Variants in IL1RAPL2 observed in about 807,000 individuals in gnomAD.
IL1RAPL2 encodes the protein interleukin 1 receptor accessory protein like 2, also known as X-linked interleukin-1 receptor accessory protein-like 2.
A neutral mutation model predicts 44.1 loss-of-function variants in IL1RAPL2; 3 were observed. The ratio of observed to expected loss-of-function variants is 0.07; its 90% CI spans 0.03 to 0.18. The LOEUF (loss-of-function observed/expected upper bound fraction) is 0.18. Among genes scored for constraint, IL1RAPL2 ranks in the 10% least tolerant of loss-of-function variants. The pLI is 1.00. For synonymous variants in IL1RAPL2, 181 were observed against 178.8 expected, an observed-to-expected ratio of 1.01 and a Z score of -0.10; for missense variants, 391 against 496.4, an observed-to-expected ratio of 0.79 and a Z score of 2.02.
intron 2 of IL1RAPL2, among the ~76,000 whole-genome samples, chrX:105,102,911 T>C (rs746325319): frequency 9.0e-6 from 1 of 110,843 alleles, no homozygotes; most frequent in Non-Finnish European, 1.9e-5. Flanking sequence ...AGAAAGATAG[T>C]AGTAAAAGAT....
chrX:105,385,560 A>G (rs1020848034), intron 5 of IL1RAPL2, among the ~76,000 whole-genome samples: 2 of 111,318 alleles, frequency 1.8e-5, no homozygotes, highest in Non-Finnish European at 3.8e-5. Context: ...TGTATAAACT[A>G]TAGTAGTAAC....
At chrX:105,039,062 G>A (rs994402541) in intron 2 of IL1RAPL2, among the ~76,000 whole-genome samples, 1 of 111,484 alleles carries the variant, frequency 9.0e-6, no homozygotes, top group Non-Finnish European at 1.9e-5. Flanking sequence ...CTTGTTTAAG[G>A]GCTGTGAGGT....
chrX:105,057,472 T>C lies in IL1RAPL2; in HGVS notation c.83-138003T>C, dbSNP rs932550678. Among the ~76,000 whole-genome samples, 3 of 112,151 alleles carry C rather than the reference T, an allele frequency of 2.7e-5. No homozygotes were observed. The East Asian group carries it at 8.4e-4, about 31-fold the overall frequency. Reference sequence around the variant, plus strand: ...GCTATATGATACCCAGATTATACAGTTTCCCAGCTGATCCAGTAAATGATC... The same window carrying C: ...GCTATATGATACCCAGATTATACAGCTTCCCAGCTGATCCAGTAAATGATC... On this transcript the variant is annotated intron_variant, in intron 2 of 10. Coordinates refer to ENST00000372582, the MANE Select transcript of IL1RAPL2 (RefSeq NM_017416.2).
intron 2 of IL1RAPL2, among the ~76,000 whole-genome samples, chrX:105,005,226 A>AT (rs1169327126): frequency 9.0e-6 from 1 of 111,526 alleles, no homozygotes; most frequent in Non-Finnish European, 1.9e-5. Flanking sequence ...AAGAACAAAG[A>AT]TTTTACCTTC....
At chrX:104,655,667 C>A (rs1015049964) in intron 1 of IL1RAPL2, among the ~76,000 whole-genome samples, 3 of 111,544 alleles carry the variant, frequency 2.7e-5, no homozygotes, top group Non-Finnish European at 5.7e-5. Context: ...GCTTTGGTAT[C>A]AGGATGATGC....
intron 3 of IL1RAPL2, among the ~76,000 whole-genome samples, chrX:105,233,099 G>C (rs1324310721): frequency 1.8e-5 from 2 of 111,583 alleles, no homozygotes; most frequent in African/African-American, 6.5e-5. Context: ...CTGGCTAACA[G>C]GGTGAAACCC....
intron 9 of IL1RAPL2, among the ~76,000 whole-genome samples, 195 bp from the exon 10 acceptor site, chrX:105,754,982 G>A (rs1270305302): frequency 8.9e-6 from 1 of 111,902 alleles, no homozygotes; most frequent in African/African-American, 3.2e-5. Context: ...GACTATAGGT[G>A]GCCCATTGCA....
intron 2 of IL1RAPL2, among the ~76,000 whole-genome samples, chrX:105,074,810 G>C (rs374899063): frequency 9.2e-6 from 1 of 109,028 alleles, no homozygotes; most frequent in Non-Finnish European, 1.9e-5. Context: ...GCAATTGTGA[G>C]TGGGAGTTCA....
At chrX:104,646,399 G>C (rs1054364712) in intron 1 of IL1RAPL2, among the ~76,000 whole-genome samples, 1 of 109,090 alleles carries the variant, frequency 9.2e-6, no homozygotes, top group Non-Finnish European at 1.9e-5. Flanking sequence ...ATTGAATCTA[G>C]ATCATGGTAC....
At chrX:105,418,045 G>T in intron 5 of IL1RAPL2, among the ~76,000 whole-genome samples, 1 of 111,231 alleles carries the variant, frequency 9.0e-6, no homozygotes, top group Middle Eastern at 4.7e-3. Flanking sequence ...CCCACTTACA[G>T]CATTTTTCAT....
At chrX:105,736,619 A>T (rs1209328876) in intron 7 of IL1RAPL2, among the ~76,000 whole-genome samples, 1 of 111,848 alleles carries the variant, frequency 8.9e-6, no homozygotes, top group Non-Finnish European at 1.9e-5. Flanking sequence ...ATATGTAAAA[A>T]TGCTCAACAT....
At chrX:104,631,578 T>A (rs1929650849) in intron 1 of IL1RAPL2, among the ~76,000 whole-genome samples, 1 of 112,219 alleles carries the variant, frequency 8.9e-6, no homozygotes, top group Non-Finnish European at 1.9e-5. Context: ...TTTACATTTC[T>A]CTGATGGCCA....
intron 2 of IL1RAPL2, among the ~76,000 whole-genome samples, chrX:105,084,352 G>T (rs1013565887): frequency 8.9e-6 from 1 of 112,850 alleles, no homozygotes; most frequent in Non-Finnish European, 1.9e-5. Flanking sequence ...GGGACCGGGG[G>T]TGCCCCACCT....
intron 2 of IL1RAPL2, among the ~76,000 whole-genome samples, chrX:105,088,732 T>G (rs1287531171): frequency 9.0e-6 from 1 of 111,588 alleles, no homozygotes; most frequent in Non-Finnish European, 1.9e-5. Context: ...CACTTATTGG[T>G]GCCAGTTAAT....
chrX:105,726,637 T>A (rs974330975), intron 7 of IL1RAPL2, among the ~76,000 whole-genome samples: 5 of 110,691 alleles, frequency 4.5e-5, no homozygotes, highest in Non-Finnish European at 9.5e-5. Context: ...ACTGCTTTCT[T>A]ACCAGTGATG....
chrX:105,506,232 T>C (rs2036430077), intron 6 of IL1RAPL2, among the ~76,000 whole-genome samples: 1 of 111,082 alleles, frequency 9.0e-6, no homozygotes, highest in Admixed American at 9.6e-5. Flanking sequence ...TCTCCCCAAA[T>C]GGTGGCTTAA....
intron 1 of IL1RAPL2, among the ~76,000 whole-genome samples, chrX:104,576,319 G>T (rs1399808809): frequency 1.8e-5 from 2 of 111,600 alleles, no homozygotes; most frequent in East Asian, 2.8e-4. Flanking sequence ...AGTAGTAACA[G>T]ATACTATTTA....
At chrX:105,305,545 T>G (rs751705402) in intron 5 of IL1RAPL2, among the ~76,000 whole-genome samples, 1 of 110,854 alleles carries the variant, frequency 9.0e-6, no homozygotes, top group Non-Finnish European at 1.9e-5. Flanking sequence ...ACTTTCTCTC[T>G]TTCGCTCTAC....
intron 2 of IL1RAPL2, among the ~76,000 whole-genome samples, chrX:105,072,361 T>C (rs115624138): frequency 0.083 from 9,189 of 110,955 alleles, 982 homozygotes; most frequent in African/African-American, 0.29. Flanking sequence ...CAGGCTAAAA[T>C]AGGAAATTAG....
Sources: gnomAD v4.1 joint callset for allele counts (sites outside exome capture counted in the v4.1 genomes callset) on GRCh38, gnomAD v4.1.1 for gene constraint, MANE v1.5 for transcripts, NCBI Gene and HGNC (gene_info 2026-07-23, HGNC 2026-07-21) for gene names.